SAMMSON: variants seen among roughly 807,000 people sequenced by gnomAD.
The protein encoded by SAMMSON is long intergenic non-protein coding RNA 1212.
intron 2 of SAMMSON, among the ~76,000 whole-genome samples, chr3:70,407,273 C>T (rs1204383172): frequency 1.3e-5 from 2 of 152,168 alleles, no homozygotes; most frequent in South Asian, 4.1e-4. Flanking sequence ...CTCATGTCCT[C>T]ACATTTCAAA....
intron 2 of SAMMSON, among the ~76,000 whole-genome samples, chr3:70,406,737 A>C (rs746756956): frequency 6.6e-6 from 1 of 152,212 alleles, no homozygotes; most frequent in Non-Finnish European, 1.5e-5. Flanking sequence ...TAATGGGCTG[A>C]TGGAGGAGAT....
At chr3:70,336,112 A>G (rs1702658435) in intron 7 of SAMMSON, among the ~76,000 whole-genome samples, 2 of 152,074 alleles carry the variant, frequency 1.3e-5, no homozygotes. Flanking sequence ...TGTACAAAAT[A>G]GCACTCAGCA....
chr3:70,385,963 G>T (rs1383923539), intron 9 of SAMMSON, among the ~76,000 whole-genome samples: 1 of 152,036 alleles, frequency 6.6e-6, no homozygotes, highest in African/African-American at 2.4e-5. Flanking sequence ...GACTAGCAAT[G>T]TACTGCCCAG....
chr3:70,304,462 G>A (rs1477628039), intron 7 of SAMMSON, among the ~76,000 whole-genome samples: 1 of 152,098 alleles, frequency 6.6e-6, no homozygotes, highest in African/African-American at 2.4e-5. Context: ...GCTCTACCCA[G>A]ATCTTTGGCT....
At chr3:70,204,683 T>G (rs1701273914) in intron 4 of SAMMSON, 2 of 151,932 alleles carry the variant, frequency 1.3e-5, no homozygotes, top group South Asian at 4.1e-4. Flanking sequence ...ATGGGGCTCT[T>G]GAGTGTCAGT....
chr3:70,111,249 T>C (rs562912151), intron 4 of SAMMSON, among the ~76,000 whole-genome samples: 1 of 152,128 alleles, frequency 6.6e-6, no homozygotes, highest in Admixed American at 6.6e-5. Flanking sequence ...ATAGACTAGA[T>C]AAGAAAGAAA....
At chr3:70,412,690 A>G (rs1173935853) in intron 2 of SAMMSON, among the ~76,000 whole-genome samples, 2 of 152,122 alleles carry the variant, frequency 1.3e-5, no homozygotes, top group African/African-American at 2.4e-5. Context: ...CTTAGCAGGG[A>G]TAAGATGGAA....
chr3:70,353,754 A>G (rs1230645348), intron 7 of SAMMSON, among the ~76,000 whole-genome samples: 5 of 152,226 alleles, frequency 3.3e-5, no homozygotes. Context: ...ATGTTCACAC[A>G]AAAACCTGTG....
intron 2 of SAMMSON, among the ~76,000 whole-genome samples, chr3:70,410,609 CCTT>C (rs1559583516): frequency 6.6e-6 from 1 of 152,004 alleles, no homozygotes; most frequent in Admixed American, 6.6e-5. Context: ...TTTTTTAAAA[CCTT>C]CATTATGGCA....
In SAMMSON at chr3:70,283,653, T is replaced by C; in HGVS notation, n.675-7526T>C. 2 of 152,056 alleles carry C rather than the reference T, an allele frequency of 1.3e-5. 1 individual carries two copies. Among genetic ancestry groups the C allele is most frequent in the East Asian group, 3.9e-4 (2 of 5,168 alleles). The allele number at this position is 152,056 out of a possible 1,614,324, so 9.4% of individuals were successfully genotyped here. A position where few individuals can be genotyped will look rare whatever the true frequency, so the allele number is the denominator to read the frequency against. On this transcript the variant is annotated intron_variant and non_coding_transcript_variant, in intron 6 of 9. Transcript: ENST00000642114. ...AGGGATTCATGCTGGGGTCAGGCTT[T>C]TGGAGCTATTTTCACAATAACATTT...
intron 9 of SAMMSON, among the ~76,000 whole-genome samples, chr3:70,377,596 C>T (rs765476435): frequency 6.6e-6 from 1 of 151,820 alleles, no homozygotes; most frequent in Non-Finnish European, 1.5e-5. Context: ...GTAATTTAAG[C>T]AATTCAGAAA....
chr3:70,399,072 A>T (rs1417494540), intron 2 of SAMMSON, among the ~76,000 whole-genome samples: 2 of 152,168 alleles, frequency 1.3e-5, no homozygotes, highest in Non-Finnish European at 2.9e-5. Context: ...TAGTCAGAGA[A>T]ATTTACAATG....
intron 3 of SAMMSON, among the ~76,000 whole-genome samples, chr3:70,045,025 T>A (rs1559779657): frequency 3.0e-4 from 39 of 128,920 alleles, no homozygotes; most frequent in African/African-American, 1.1e-3. Flanking sequence ...TAATTAATTA[T>A]AATATATATT....
intron 2 of SAMMSON, among the ~76,000 whole-genome samples, chr3:70,412,627 TA>T: frequency 6.6e-6 from 1 of 152,308 alleles, no homozygotes; most frequent in Admixed American, 6.5e-5. Flanking sequence ...CATGGTATTT[TA>T]ACACGATATT....
chr3:70,421,091 G>A (rs1282859478), intron 2 of SAMMSON, among the ~76,000 whole-genome samples: 1 of 151,958 alleles, frequency 6.6e-6, no homozygotes, highest in Non-Finnish European at 1.5e-5. Context: ...AATTTTTTCA[G>A]TCTTTCCTCC....
chr3:70,325,090 G>A (rs1297468177), intron 7 of SAMMSON, among the ~76,000 whole-genome samples: 1 of 152,104 alleles, frequency 6.6e-6, no homozygotes, highest in African/African-American at 2.4e-5. Context: ...TGGAAGGGAC[G>A]ATTCTGGCAA....
intron 4 of SAMMSON, among the ~76,000 whole-genome samples, chr3:70,237,503 G>A (rs1701621421): frequency 6.6e-6 from 1 of 152,114 alleles, no homozygotes; most frequent in South Asian, 2.1e-4. Flanking sequence ...TTAACTCCAT[G>A]TTCTGTCCAT....
intron 3 of SAMMSON, among the ~76,000 whole-genome samples, chr3:70,035,309 C>T (rs1254264351): frequency 6.6e-6 from 1 of 152,114 alleles, no homozygotes; most frequent in Non-Finnish European, 1.5e-5. Context: ...GTGCTTTTCA[C>T]ACTGAAAATC....
At chr3:70,190,548 G>C (rs1012187947) in intron 4 of SAMMSON, among the ~76,000 whole-genome samples, 1 of 152,178 alleles carries the variant, frequency 6.6e-6, no homozygotes, top group African/African-American at 2.4e-5. Flanking sequence ...CCATTGCTTT[G>C]ATTTGACCTA....
Sources: allele counts gnomAD v4.1 joint callset (sites outside exome capture counted in the v4.1 genomes callset), GRCh38; gene constraint gnomAD v4.1.1; transcripts MANE v1.5; gene names NCBI Gene and HGNC (gene_info 2026-07-23, HGNC 2026-07-21).